Variants in CADM2 observed in about 807,000 individuals in gnomAD.
The protein encoded by CADM2 is cell adhesion molecule 2, also known as immunoglobulin superfamily member 4D.
In CADM2, 12 loss-of-function variants were observed where a neutral mutation model predicts 49.8. The ratio of observed to expected loss-of-function variants is 0.24; its 90% CI spans 0.15 to 0.39. CADM2 has a LOEUF of 0.39. Among genes scored for constraint, CADM2 ranks in the 10% least tolerant of loss-of-function variants. The pLI is 1.00. For missense variants in CADM2, 378 were observed against 492.3 expected, an observed-to-expected ratio of 0.77 and a Z score of 2.20; for synonymous variants, 214 against 175.4, an observed-to-expected ratio of 1.22 and a Z score of -1.74.
At chr3:85,263,702 T>C (rs1383444261) in intron 1 of CADM2, among the ~76,000 whole-genome samples, 3 of 152,136 alleles carry the variant, frequency 2.0e-5, no homozygotes, top group African/African-American at 7.2e-5. Context: ...TTCTAATAAT[T>C]ACATCAATAT....
At chr3:85,682,115 C>T (rs550333628) in intron 1 of CADM2, among the ~76,000 whole-genome samples, 1 of 152,170 alleles carries the variant, frequency 6.6e-6, no homozygotes, top group South Asian at 2.1e-4. Context: ...ACCTAAAGCT[C>T]AGCTGAAAAA....
chr3:85,123,638 T>G (rs2107596256), intron 1 of CADM2, among the ~76,000 whole-genome samples: 1 of 152,232 alleles, frequency 6.6e-6, no homozygotes, highest in South Asian at 2.1e-4. Context: ...TAAAAGATTT[T>G]CAGCAGTTTA....
At chr3:85,544,394 C>T (rs2061615266) in intron 1 of CADM2, among the ~76,000 whole-genome samples, 3 of 151,990 alleles carry the variant, frequency 2.0e-5, no homozygotes, top group Admixed American at 2.0e-4. Context: ...CTGGCTAACA[C>T]GGTGAAACCC....
intron 2 of CADM2, among the ~76,000 whole-genome samples, chr3:85,798,767 C>A (rs1296949878): frequency 6.6e-6 from 1 of 151,934 alleles, no homozygotes; most frequent in East Asian, 1.9e-4. Flanking sequence ...TTTTTGGTTC[C>A]ATATGAAATT....
intron 1 of CADM2, among the ~76,000 whole-genome samples, chr3:85,032,262 G>C (rs2035023656): frequency 6.6e-6 from 1 of 151,806 alleles, no homozygotes; most frequent in Non-Finnish European, 1.5e-5. Flanking sequence ...GGATGACCTG[G>C]AAACAAGGTC....
Position 85,851,207 on chromosome 3 carries a change from A to G in CADM2, c.239-32084A>G, listed in dbSNP as rs116146257. 1.6e-3 allele frequency among the ~76,000 whole-genome samples: 248 copies of G among 152,272 alleles called. 1 individual carries two copies. Among genetic ancestry groups the G allele is most frequent in the African/African-American group, 5.6e-3 (232 of 41,556 alleles). ...AAGAAAATTTATAATTAAATGAGCT[A>G]TTTCCTGTTTAAATTTAGAGGCTAG... On this transcript the variant is annotated intron_variant, in intron 3 of 9. Transcript: ENST00000383699.
intron 2 of CADM2, among the ~76,000 whole-genome samples, chr3:85,728,253 A>G (rs2107788171): frequency 6.6e-6 from 1 of 152,244 alleles, no homozygotes; most frequent in Non-Finnish European, 1.5e-5. Flanking sequence ...TGCCTTCCAC[A>G]CTTCCATCCC....
At chr3:85,244,692 T>A (rs1298374119) in intron 1 of CADM2, among the ~76,000 whole-genome samples, 1 of 152,116 alleles carries the variant, frequency 6.6e-6, no homozygotes, top group Non-Finnish European at 1.5e-5. Flanking sequence ...AGTAACTCCT[T>A]TATAGGACTC....
At chr3:85,697,309 G>A (rs1160990397) in intron 1 of CADM2, among the ~76,000 whole-genome samples, 3 of 151,778 alleles carry the variant, frequency 2.0e-5, no homozygotes, top group African/African-American at 7.3e-5. Context: ...ATGTGATTTA[G>A]CTGACAGATA....
At chr3:85,127,865 A>G (rs1222827487) in intron 1 of CADM2, among the ~76,000 whole-genome samples, 1 of 152,164 alleles carries the variant, frequency 6.6e-6, no homozygotes, top group Admixed American at 6.5e-5. Flanking sequence ...GACAATTTCC[A>G]ATAAATGTGA....
intron 1 of CADM2, among the ~76,000 whole-genome samples, chr3:85,434,537 A>G (rs2036838141): frequency 6.6e-6 from 1 of 152,102 alleles, no homozygotes; most frequent in African/African-American, 2.4e-5. Context: ...TTTATTTATC[A>G]TATTACCTAC....
At chr3:85,198,020 T>C (rs2041387281) in intron 1 of CADM2, among the ~76,000 whole-genome samples, 1 of 151,958 alleles carries the variant, frequency 6.6e-6, no homozygotes, top group Admixed American at 6.6e-5. Context: ...TATCCTAGCT[T>C]GCCCTATTTA....
At chr3:86,064,310 T>C (rs1739055521) in intron 8 of CADM2, among the ~76,000 whole-genome samples, 1 of 152,092 alleles carries the variant, frequency 6.6e-6, no homozygotes, top group Non-Finnish European at 1.5e-5. Context: ...CAGTGTTTGG[T>C]TTTTTGTCCT....
chr3:85,388,955 A>G (rs1185520971), intron 1 of CADM2, among the ~76,000 whole-genome samples: 1 of 152,148 alleles, frequency 6.6e-6, no homozygotes, highest in Non-Finnish European at 1.5e-5. Flanking sequence ...AATCTAGACC[A>G]TCTGGGGGTA....
intron 8 of CADM2, among the ~76,000 whole-genome samples, chr3:85,985,211 C>T (rs1262029450): frequency 6.6e-6 from 1 of 151,720 alleles, no homozygotes; most frequent in Non-Finnish European, 1.5e-5. Context: ...CTGTTAAGGG[C>T]CCATTACTCA....
At chr3:85,893,569 A>G (rs1467006168) in intron 5 of CADM2, among the ~76,000 whole-genome samples, 1 of 152,154 alleles carries the variant, frequency 6.6e-6, no homozygotes, top group Admixed American at 6.5e-5. Flanking sequence ...AACCCACAGA[A>G]TGGAAGAAAA....
intron 3 of CADM2, among the ~76,000 whole-genome samples, chr3:85,819,769 G>A (rs563968519): frequency 3.3e-5 from 5 of 152,040 alleles, no homozygotes; most frequent in African/African-American, 1.2e-4. Flanking sequence ...TTATTAAACT[G>A]CTTTTTGCAG....
At chr3:85,844,736 A>G (rs989235177) in intron 3 of CADM2, among the ~76,000 whole-genome samples, 1 of 152,194 alleles carries the variant, frequency 6.6e-6, no homozygotes, top group African/African-American at 2.4e-5. Context: ...TAATACACAC[A>G]TGTATACCAT....
At chr3:86,031,329 A>T (rs1366104175) in intron 8 of CADM2, among the ~76,000 whole-genome samples, 1 of 151,794 alleles carries the variant, frequency 6.6e-6, no homozygotes, top group Non-Finnish European at 1.5e-5. Flanking sequence ...TGAAAATTAA[A>T]ATTTCAAATT....
Sources: gnomAD v4.1 joint callset for allele counts (sites outside exome capture counted in the v4.1 genomes callset) on GRCh38, gnomAD v4.1.1 for gene constraint, MANE v1.5 for transcripts, NCBI Gene and HGNC (gene_info 2026-07-23, HGNC 2026-07-21) for gene names.